INPP4B: variants seen among roughly 807,000 people sequenced by gnomAD.
INPP4B encodes inositol polyphosphate-4-phosphatase type II B.
In INPP4B, 55 loss-of-function variants were observed where a neutral mutation model predicts 122.5. The ratio of observed to expected loss-of-function variants is 0.45; its 90% CI spans 0.36 to 0.56. The LOEUF (loss-of-function observed/expected upper bound fraction) is 0.56, where lower values mean the gene tolerates loss of function less well. INPP4B is among the 20% of genes least tolerant of loss of function. The pLI is 0.00. For missense variants in INPP4B, 1,000 were observed against 1,097.7 expected (o/e 0.91, Z 1.26); for synonymous variants, 403 against 388.7 (o/e 1.04, Z -0.43).
At chr4:142,783,225 G>A (rs1035802859) in intron 1 of INPP4B, among the ~76,000 whole-genome samples, 1 of 151,860 alleles carries the variant, frequency 6.6e-6, no homozygotes, top group African/African-American at 2.4e-5. Context: ...GAGTGAACAG[G>A]CAACCTATAA....
intron 10 of INPP4B, among the ~76,000 whole-genome samples, chr4:142,266,073 A>G (rs61637929): frequency 1.7e-3 from 260 of 152,322 alleles, no homozygotes; most frequent in African/African-American, 5.9e-3. Context: ...GTACACAGTT[A>G]CAGGTCTAGG....
intron 25 of INPP4B, among the ~76,000 whole-genome samples, chr4:142,076,806 T>C (rs1242887212): frequency 2.6e-5 from 4 of 152,120 alleles, no homozygotes; most frequent in African/African-American, 9.7e-5. Context: ...CTTATACTTC[T>C]CTTTAATATT....
chr4:142,133,007 A>G (rs924238350), intron 18 of INPP4B, among the ~76,000 whole-genome samples: 6 of 152,126 alleles, frequency 3.9e-5, no homozygotes, highest in Non-Finnish European at 1.5e-5. Context: ...ATCCAAAGCC[A>G]TCTCTTAGTC....
chr4:142,699,041 A>C (rs1354144426), intron 2 of INPP4B, among the ~76,000 whole-genome samples: 1 of 152,162 alleles, frequency 6.6e-6, no homozygotes. Context: ...TCAGATATCC[A>C]GTACTGTTTC....
At chr4:142,423,308 G>C (rs1335226989) in intron 5 of INPP4B, among the ~76,000 whole-genome samples, 1 of 152,074 alleles carries the variant, frequency 6.6e-6, no homozygotes, top group African/African-American at 2.4e-5. Flanking sequence ...TGTAAATGCT[G>C]TGTCTGTAAA....
At chr4:142,083,942 T>C (rs1775433883) in intron 24 of INPP4B, among the ~76,000 whole-genome samples, 1 of 152,172 alleles carries the variant, frequency 6.6e-6, no homozygotes, top group East Asian at 1.9e-4. Flanking sequence ...GAATATTTAA[T>C]GTTCTAAATT....
chr4:142,622,368 C>A (rs1745146346), intron 2 of INPP4B, among the ~76,000 whole-genome samples: 1 of 151,682 alleles, frequency 6.6e-6, no homozygotes, highest in Non-Finnish European at 1.5e-5. Context: ...TCTCCAGGGT[C>A]CTGTACCAAG....
chr4:142,306,736 C>T (rs942398951), intron 8 of INPP4B, among the ~76,000 whole-genome samples: 3 of 152,112 alleles, frequency 2.0e-5, no homozygotes, highest in Non-Finnish European at 4.4e-5. Context: ...CGTGGTGGCT[C>T]ACGCCTGTCA....
intron 16 of INPP4B, among the ~76,000 whole-genome samples, chr4:142,162,964 G>A (rs1157655970): frequency 6.6e-6 from 1 of 151,872 alleles, no homozygotes; most frequent in Non-Finnish European, 1.5e-5. Flanking sequence ...GTCCCATTGT[G>A]ATATCCATGT....
At chr4:142,435,690 C>G (rs1234211697) in intron 3 of INPP4B, among the ~76,000 whole-genome samples, 1 of 152,174 alleles carries the variant, frequency 6.6e-6, no homozygotes, top group Non-Finnish European at 1.5e-5. Context: ...GGGAGGGGAG[C>G]CCCCATACCC....
chr4:142,109,666 C>T (rs563451036), intron 22 of INPP4B, among the ~76,000 whole-genome samples: 1 of 152,162 alleles, frequency 6.6e-6, no homozygotes, highest in Admixed American at 6.6e-5. Flanking sequence ...CTCATCTCCT[C>T]TATGATACTT....
intron 15 of INPP4B, among the ~76,000 whole-genome samples, chr4:142,177,021 A>T (rs571864022): frequency 2.2e-4 from 34 of 152,134 alleles, no homozygotes; most frequent in African/African-American, 8.0e-4. Flanking sequence ...TTCCCTCCCA[A>T]TATATTCCCT....
At chr4:142,114,990 C>A (rs150056319) in intron 21 of INPP4B, among the ~76,000 whole-genome samples, 2 of 151,914 alleles carry the variant, frequency 1.3e-5, no homozygotes. Context: ...CTGAAAACCA[C>A]GGCACAAGAA....
intron 18 of INPP4B, among the ~76,000 whole-genome samples, chr4:142,135,588 A>G (rs12502271): frequency 0.087 from 13,280 of 152,180 alleles, 743 homozygotes; most frequent in Middle Eastern, 0.17. Context: ...ACTTCGCTTG[A>G]TTCATTCATA....
chr4:142,692,861 G>A (rs575191249), intron 2 of INPP4B, among the ~76,000 whole-genome samples: 1 of 149,904 alleles, frequency 6.7e-6, no homozygotes, highest in Non-Finnish European at 1.5e-5. Flanking sequence ...GATTTTTTAA[G>A]AGCTCTATAG....
chr4:142,544,067 T>G (rs1259433320), intron 2 of INPP4B, among the ~76,000 whole-genome samples: 1 of 150,616 alleles, frequency 6.6e-6, no homozygotes, highest in Non-Finnish European at 1.5e-5. Context: ...AACTAAAACC[T>G]AGTTAGAGAC....
intron 16 of INPP4B, among the ~76,000 whole-genome samples, chr4:142,168,335 T>G (rs192390783): frequency 6.6e-6 from 1 of 151,730 alleles, no homozygotes. Flanking sequence ...ACGGATCATA[T>G]TTTCCTGCTT....
chr4:142,779,629 T>G (rs1774495037), intron 1 of INPP4B, among the ~76,000 whole-genome samples: 1 of 152,112 alleles, frequency 6.6e-6, no homozygotes, highest in Non-Finnish European at 1.5e-5. Context: ...ATTCCGTGTT[T>G]ATAACATAAA....
chr4:142,365,163 G>A (rs950226427), intron 7 of INPP4B, among the ~76,000 whole-genome samples: 2 of 152,108 alleles, frequency 1.3e-5, no homozygotes, highest in Non-Finnish European at 2.9e-5. Context: ...AAAATGCCTT[G>A]AAAGTAATGG....
Sources: allele counts gnomAD v4.1 joint callset (sites outside exome capture counted in the v4.1 genomes callset), GRCh38; gene constraint gnomAD v4.1.1; transcripts MANE v1.5; gene names NCBI Gene and HGNC (gene_info 2026-07-23, HGNC 2026-07-21).